Variants in NDFIP1 observed in about 807,000 individuals in gnomAD.
NDFIP1 encodes Nedd4 family interacting protein 1, also known as NEDD4 family-interacting protein 1.
Under a neutral mutation model 28.8 loss-of-function variants are expected in NDFIP1, and 7 were observed. The ratio of observed to expected loss-of-function variants is 0.24; its 90% CI spans 0.14 to 0.46. The LOEUF is 0.46. Among genes scored for constraint, NDFIP1 ranks in the 20% least tolerant of loss-of-function variants. The probability of loss-of-function intolerance (pLI) is 0.99; values close to 1 mark genes in which losing one functional copy is unlikely to be tolerated. For missense variants in NDFIP1, 194 were observed against 269.1 expected (o/e 0.72, Z 1.95); for synonymous variants, 92 against 101.0 (o/e 0.91, Z 0.53).
intron 1 of NDFIP1, among the ~76,000 whole-genome samples, chr5:142,129,483 G>A (rs890698710): frequency 6.6e-6 from 1 of 152,064 alleles, no homozygotes; most frequent in Non-Finnish European, 1.5e-5. Flanking sequence ...ACTAGGATTC[G>A]AAAAAATGTA....
chr5:142,109,227 T>C (rs9324865), intron 1 of NDFIP1, among the ~76,000 whole-genome samples, 190 bp downstream of exon 1: 122,226 of 152,058 alleles, frequency 0.8, 49,134 homozygotes, highest in Admixed American at 0.83. Flanking sequence ...CCTGCCCGTC[T>C]GCGACCCCAG....
At chr5:142,116,037 C>T (rs2126910475) in intron 1 of NDFIP1, among the ~76,000 whole-genome samples, 1 of 152,186 alleles carries the variant, frequency 6.6e-6, no homozygotes, top group South Asian at 2.1e-4. Flanking sequence ...TGTGCATCCT[C>T]CCATTTTGGT....
chr5:142,148,517 G>T (rs1159206869), intron 7 of NDFIP1, among the ~76,000 whole-genome samples: 1 of 152,064 alleles, frequency 6.6e-6, no homozygotes, highest in Non-Finnish European at 1.5e-5. Flanking sequence ...TTGGGAGGCC[G>T]AGGTGGGCAG....
rs543600923 is a variant in NDFIP1 at position 142,149,774 on chromosome 5, A to G, written c.*3-1957A>G. On this transcript the variant is annotated intron_variant, in intron 7 of 7. Coordinates refer to ENST00000253814, the MANE Select transcript of NDFIP1 (RefSeq NM_030571.4). ...AGGGATCTATTAAAGCTGTTTACCT[A>G]TGCTAAAGCATCATAAACTAAGGAA... Among the ~76,000 whole-genome samples, 93 of 152,316 alleles carry G rather than the reference A, an allele frequency of 6.1e-4. 1 individual carries two copies. Among genetic ancestry groups the G allele is most frequent in the African/African-American group, 2.0e-3 (82 of 41,584 alleles).
intron 1 of NDFIP1, among the ~76,000 whole-genome samples, chr5:142,113,622 A>G (rs760107618): frequency 2.0e-5 from 3 of 152,230 alleles, no homozygotes; most frequent in Non-Finnish European, 2.9e-5. Context: ...AGTGGCATTA[A>G]GTACATTCAC....
chr5:142,132,110 C>A, intron 2 of NDFIP1, 102 bp from the exon 3 acceptor site: 1 of 1,376,124 alleles, frequency 7.3e-7, no homozygotes, highest in Non-Finnish European at 1.0e-6. Flanking sequence ...TATGTATGTA[C>A]TCTTAAGGGA....
chr5:142,129,130 T>C (rs1224469513), intron 1 of NDFIP1, among the ~76,000 whole-genome samples: 1 of 152,240 alleles, frequency 6.6e-6, no homozygotes, highest in South Asian at 2.1e-4. Context: ...TGAAGTTCAT[T>C]ACTGGCTACA....
chr5:142,112,803 C>G (rs1231958722), intron 1 of NDFIP1, among the ~76,000 whole-genome samples: 1 of 149,424 alleles, frequency 6.7e-6, no homozygotes, highest in East Asian at 2.0e-4. Context: ...AAAAAAGAGG[C>G]TAGGCTTATA....
chr5:142,134,239 T>G (rs1443555963), intron 3 of NDFIP1, among the ~76,000 whole-genome samples: 2 of 152,182 alleles, frequency 1.3e-5, no homozygotes, highest in African/African-American at 4.8e-5. Flanking sequence ...ATTTCTAGGA[T>G]GCATCATGGT....
chr5:142,108,922 G>A lies in NDFIP1; in HGVS notation c.-53G>A. ...AGCGCTCCCAAGCCGCAGCGGCCGCGCCCCTTCAGCTAGCTCGCTCGCTCG... is the reference window on the plus strand; with the variant it reads ...AGCGCTCCCAAGCCGCAGCGGCCGCACCCCTTCAGCTAGCTCGCTCGCTCG... On this transcript the variant is annotated 5_prime_UTR_variant, in exon 1 of 8. Coordinates refer to ENST00000253814, the MANE Select transcript of NDFIP1 (RefSeq NM_030571.4). The A allele has an allele frequency of 7.2e-7, 1 of 1,380,606 alleles. No individual in the cohort carries two copies. Among genetic ancestry groups the A allele is most frequent in the Non-Finnish European group, 9.4e-7 (1 of 1,064,738 alleles). 85.5% of individuals were successfully genotyped at this position (1,380,606 alleles called of 1,614,324 possible).
intron 1 of NDFIP1, among the ~76,000 whole-genome samples, chr5:142,129,903 C>G (rs1311384984): frequency 3.3e-5 from 4 of 119,672 alleles, no homozygotes; most frequent in African/African-American, 1.3e-4. Flanking sequence ...AAAAGCGAAA[C>G]TACATCTCAA....
chr5:142,133,399 T>C (rs1175248408), intron 3 of NDFIP1, among the ~76,000 whole-genome samples: 1 of 152,252 alleles, frequency 6.6e-6, no homozygotes, highest in Non-Finnish European at 1.5e-5. Flanking sequence ...GTATATTGTT[T>C]CCAATCTTCA....
chr5:142,127,209 T>G (rs936150142), intron 1 of NDFIP1, among the ~76,000 whole-genome samples: 4 of 152,092 alleles, frequency 2.6e-5, no homozygotes, highest in African/African-American at 9.7e-5. Context: ...AGAGACGAGA[T>G]TTTACCATGT....
intron 1 of NDFIP1, among the ~76,000 whole-genome samples, chr5:142,126,250 TG>T (rs1757169096): frequency 6.6e-6 from 1 of 152,190 alleles, no homozygotes. Flanking sequence ...GCAGAAGTAG[TG>T]GGTTGGTAAT....
rs1757237171 is a variant in NDFIP1, at chr5:142,132,451, A to T, written c.282+109A>T. ...TGATTGTATTGATTAGTGAAAGTAG[A>T]GCTAATTTTAAAAATCAGGTACATT... On this transcript the variant is annotated intron_variant, in intron 3 of 7. Transcript: ENST00000253814. 9 of 1,351,854 alleles carry T rather than the reference A, an allele frequency of 6.7e-6. No homozygotes were observed. The South Asian group carries it at 1.3e-4, about 20-fold the overall frequency. 83.7% of individuals were successfully genotyped at this position (1,351,854 alleles called of 1,614,324 possible). A position where few individuals can be genotyped will look rare whatever the true frequency, so the allele number is the denominator to read the frequency against.
intron 1 of NDFIP1, among the ~76,000 whole-genome samples, chr5:142,122,501 G>A (rs1310487176): frequency 6.6e-6 from 1 of 152,040 alleles, no homozygotes; most frequent in Non-Finnish European, 1.5e-5. Flanking sequence ...AAATGTTTCT[G>A]TTGGACATAT....
chr5:142,138,653 G>C (rs1263461282), intron 5 of NDFIP1, among the ~76,000 whole-genome samples: 1 of 152,024 alleles, frequency 6.6e-6, no homozygotes, highest in African/African-American at 2.4e-5. Context: ...AGAATCCTTT[G>C]GGAATCTGAT....
intron 1 of NDFIP1, among the ~76,000 whole-genome samples, chr5:142,114,087 G>T (rs1156550208): frequency 4.6e-5 from 7 of 152,110 alleles, no homozygotes; most frequent in Non-Finnish European, 1.0e-4. Flanking sequence ...GAATTGCTGG[G>T]TCATACGGCA....
chr5:142,108,989 G>A lies in NDFIP1; in HGVS notation c.15G>A (p.Leu5=). 2 of 1,445,002 alleles carry A rather than the reference G, an allele frequency of 1.4e-6. No homozygotes were observed. The highest frequency in any genetic ancestry group is 9.1e-7 in the Non-Finnish European group (1 of 1,102,152). The allele number at this position is 1,445,002 out of a possible 1,614,324, so 89.5% of individuals were successfully genotyped here. A position where few individuals can be genotyped will look rare whatever the true frequency, so the allele number is the denominator to read the frequency against. The part of the protein sequence containing the change: MALA[L]AALAAVEPAC... Reference sequence around the variant, plus strand: ...CCGGCTGCGCCATGGCGTTGGCGTTGGCGGCGCTGGCGGCGGTCGAGCCGG... The same window carrying A: ...CCGGCTGCGCCATGGCGTTGGCGTTAGCGGCGCTGGCGGCGGTCGAGCCGG... Residue 5 remains leucine, a synonymous_variant, in exon 1 of 8, where the codon TTG becomes TTA. Coordinates refer to ENST00000253814, the MANE Select transcript of NDFIP1 (RefSeq NM_030571.4).
Sources: gnomAD v4.1 joint callset for allele counts (sites outside exome capture counted in the v4.1 genomes callset) on GRCh38, gnomAD v4.1.1 for gene constraint, MANE v1.5 for transcripts, NCBI Gene and HGNC (gene_info 2026-07-23, HGNC 2026-07-21) for gene names.